UPRT: variants seen among roughly 807,000 people sequenced by gnomAD.
UPRT encodes uracil phosphoribosyltransferase homolog, also known as RP11-311P8.3.
UPRT carries 5 observed loss-of-function variants against 22.6 expected under a neutral mutation model. The ratio of observed to expected loss-of-function variants is 0.22; its 90% CI spans 0.12 to 0.47. The LOEUF (loss-of-function observed/expected upper bound fraction) is 0.47, where lower values mean the gene tolerates loss of function less well. Among genes scored for constraint, UPRT ranks in the 20% least tolerant of loss-of-function variants. The pLI is 0.99. For missense variants in UPRT, 181 were observed against 239.9 expected, an observed-to-expected ratio of 0.75 and a Z score of 1.62; for synonymous variants, 77 against 87.7, an observed-to-expected ratio of 0.88 and a Z score of 0.68.
chrX:75,195,791 C>A (rs1190956430), intron 4 of UPRT, among the ~76,000 whole-genome samples: 1 of 112,173 alleles, frequency 8.9e-6, no homozygotes, highest in Non-Finnish European at 1.9e-5. Flanking sequence ...GTGTCTTCCT[C>A]TGAAGATCTG....
chrX:75,277,980 A>T (rs960126471), intron 1 of UPRT, among the ~76,000 whole-genome samples: 4 of 111,555 alleles, frequency 3.6e-5, no homozygotes, highest in African/African-American at 9.8e-5. Context: ...CTATGGTAAG[A>T]GGAGCTATAT....
chrX:75,254,664 A>C (rs1002691064), intron 4 of UPRT, among the ~76,000 whole-genome samples: 5 of 111,964 alleles, frequency 4.5e-5, no homozygotes, highest in African/African-American at 1.6e-4. Context: ...ATCCAAATAC[A>C]AGAAGCACAA....
At chrX:75,174,953 T>C (rs1031719433) in intron 4 of UPRT, among the ~76,000 whole-genome samples, 1 of 110,875 alleles carries the variant, frequency 9.0e-6, no homozygotes, top group East Asian at 2.8e-4. Context: ...TGACTTTCTG[T>C]GTCTGTCCCT....
chrX:75,165,724 A>G (rs964546969), intron 3 of UPRT, among the ~76,000 whole-genome samples: 4 of 111,888 alleles, frequency 3.6e-5, no homozygotes, highest in African/African-American at 1.3e-4. Flanking sequence ...TAAAAGTTTA[A>G]TGATTTTTTA....
intron 4 of UPRT, among the ~76,000 whole-genome samples, chrX:75,234,391 A>C (rs1175167133): frequency 9.0e-6 from 1 of 111,160 alleles, no homozygotes; most frequent in African/African-American, 3.3e-5. Flanking sequence ...ACAGAAAGTC[A>C]ACAAGGATAC....
chrX:75,238,888 G>A (rs759323027), intron 4 of UPRT, among the ~76,000 whole-genome samples: 2 of 111,385 alleles, frequency 1.8e-5, no homozygotes, highest in Admixed American at 9.6e-5. Context: ...AAATCAAGAT[G>A]GAAATTAAAA....
At chrX:75,300,385 T>C (rs1401733738) in intron 5 of UPRT, among the ~76,000 whole-genome samples, 1 of 111,928 alleles carries the variant, frequency 8.9e-6, no homozygotes, top group East Asian at 2.8e-4. Flanking sequence ...ATTTGATAAC[T>C]GAAAAGTGTA....
intron 4 of UPRT, among the ~76,000 whole-genome samples, chrX:75,237,482 A>T (rs1056313758): frequency 9.0e-6 from 1 of 111,044 alleles, no homozygotes; most frequent in Non-Finnish European, 1.9e-5. Context: ...TCATGCTGCT[A>T]TAAAACACAT....
rs189525669 is a variant in UPRT, at chrX:75,229,919, A to G, written c.-446-61105A>G. Among the ~76,000 whole-genome samples the G allele has an allele frequency of 3.0e-3, 338 of 112,331 alleles. 1 individual carries two copies. Among genetic ancestry groups the G allele is most frequent in the African/African-American group, 9.9e-3 (308 of 30,975 alleles). ...AGGGAGAGGTGAACAGGAAGTGCAG[A>G]TATGAGTGCAGAAGCCACAGCAGAA... On this transcript the variant is annotated intron_variant, in intron 4 of 13. Coordinates refer to the UPRT transcript ENST00000652605.
intron 6 of UPRT, among the ~76,000 whole-genome samples, chrX:75,302,035 A>G (rs1272987853): frequency 6.3e-5 from 7 of 111,806 alleles, no homozygotes; most frequent in Non-Finnish European, 1.1e-4. Context: ...CATAATTTTT[A>G]AAAAGGGCAA....
At chrX:75,279,921 A>G (rs1354395870) in intron 1 of UPRT, among the ~76,000 whole-genome samples, 2 of 111,534 alleles carry the variant, frequency 1.8e-5, no homozygotes, top group African/African-American at 6.5e-5. Context: ...CATGAGTTAC[A>G]TCACTTAGAA....
chrX:75,300,223 T>C (rs1424405733), intron 5 of UPRT, among the ~76,000 whole-genome samples: 1 of 111,719 alleles, frequency 9.0e-6, no homozygotes, highest in Admixed American at 9.5e-5. Context: ...TTTTCCTCAA[T>C]AATTTATTCT....
At chrX:75,283,998 C>T (rs1221816147) in intron 1 of UPRT, among the ~76,000 whole-genome samples, 1 of 111,370 alleles carries the variant, frequency 9.0e-6, no homozygotes, top group Admixed American at 9.5e-5. Context: ...TTTTCTTATT[C>T]TTTTTTCTTT....
At chrX:75,273,654 C>A (rs944998899), upstream of UPRT, among the ~76,000 whole-genome samples, 3 of 112,051 alleles carry the variant, frequency 2.7e-5, no homozygotes, top group Admixed American at 1.9e-4. Flanking sequence ...ACTTGGGAAG[C>A]TGCAGTTTCT....
intron 4 of UPRT, among the ~76,000 whole-genome samples, chrX:75,235,508 C>A (rs1308243012): frequency 9.0e-6 from 1 of 111,711 alleles, no homozygotes; most frequent in African/African-American, 3.3e-5. Context: ...AGACCAATAT[C>A]CTTGAATATC....
At chrX:75,291,660 C>T (rs1447253864) in intron 1 of UPRT, 1 of 144,913 alleles carries the variant, frequency 6.9e-6, no homozygotes, top group African/African-American at 3.3e-5. Flanking sequence ...ACGAGGTCAA[C>T]TTATTGTATT....
chrX:75,218,886 T>G (rs1275627431), intron 4 of UPRT, among the ~76,000 whole-genome samples: 1 of 108,314 alleles, frequency 9.2e-6, no homozygotes, highest in African/African-American at 3.4e-5. Flanking sequence ...TGGGGACTGT[T>G]GTGGGGTGGG....
intron 4 of UPRT, among the ~76,000 whole-genome samples, chrX:75,248,221 T>A (rs759754652): frequency 9.0e-6 from 1 of 111,651 alleles, no homozygotes; most frequent in East Asian, 2.8e-4. Context: ...AGAGAATGAC[T>A]TTGACGAGAG....
intron 1 of UPRT, among the ~76,000 whole-genome samples, chrX:75,157,386 GA>G (rs2082185042): frequency 8.9e-6 from 1 of 111,797 alleles, no homozygotes; most frequent in Non-Finnish European, 1.9e-5. Flanking sequence ...GTTATTTAAA[GA>G]AAAATAGAAT....
Sources: gnomAD v4.1 joint callset for allele counts (sites outside exome capture counted in the v4.1 genomes callset) on GRCh38, gnomAD v4.1.1 for gene constraint, MANE v1.5 for transcripts, NCBI Gene and HGNC (gene_info 2026-07-23, HGNC 2026-07-21) for gene names.